The following RBFOX1 variants were observed in gnomAD, a reference collection of about 807,000 sequenced individuals.
RBFOX1 encodes the protein RNA binding fox-1 homolog 1.
RBFOX1 carries 8 observed loss-of-function variants against 57.7 expected under a neutral mutation model. That is an observed-to-expected ratio of 0.14 (90% confidence interval 0.08 to 0.25). RBFOX1 has a LOEUF of 0.25. RBFOX1 is among the 10% of genes least tolerant of loss of function. RBFOX1 has a pLI of 1.00. For missense variants in RBFOX1, 611 were observed against 548.5 expected, an observed-to-expected ratio of 1.11 and a Z score of -1.14; for synonymous variants, 326 against 222.4, an observed-to-expected ratio of 1.47 and a Z score of -4.15.
intron 3 of RBFOX1, among the ~76,000 whole-genome samples, chr16:6,945,333 G>C (rs1011041128): frequency 7.2e-5 from 11 of 152,116 alleles, no homozygotes; most frequent in Non-Finnish European, 1.5e-4. Flanking sequence ...CTTACCTAGG[G>C]CCAGACAGTT....
At chr16:6,761,112 G>A (rs1266682724) in intron 3 of RBFOX1, among the ~76,000 whole-genome samples, 6 of 152,102 alleles carry the variant, frequency 3.9e-5, no homozygotes, top group East Asian at 3.9e-4. Flanking sequence ...GCACAATCAC[G>A]ACTGACAATG....
At chr16:6,948,662 G>A (rs917927543) in intron 3 of RBFOX1, among the ~76,000 whole-genome samples, 15 of 152,090 alleles carry the variant, frequency 9.9e-5, no homozygotes, top group East Asian at 3.9e-4. Context: ...GATTACAAGC[G>A]TGAGCCACCA....
rs565485498 is a variant in RBFOX1, at chr16:6,376,541, C to T, written c.-64+59484C>T. On this transcript the variant is annotated intron_variant, in intron 2 of 15. Coordinates refer to ENST00000550418, the MANE Select transcript of RBFOX1 (RefSeq NM_018723.4). ...CTTGCAGCTGCGTTTTTGAAAGCTG[C>T]CTCACTCCTAACCTCTGTTTACATT... Among the ~76,000 whole-genome samples the T allele has an allele frequency of 2.6e-5, 4 of 152,218 alleles. No individual in the cohort carries two copies. The East Asian group carries it at 7.7e-4, about 29-fold the overall frequency.
intron 2 of RBFOX1, among the ~76,000 whole-genome samples, chr16:6,447,675 A>G (rs1253527890): frequency 6.6e-6 from 1 of 152,224 alleles, no homozygotes; most frequent in Non-Finnish European, 1.5e-5. Context: ...GCTGATAACA[A>G]GCGTTAAAAA....
intron 3 of RBFOX1, among the ~76,000 whole-genome samples, chr16:6,698,384 G>A (rs183981381): frequency 1.3e-5 from 2 of 152,258 alleles, no homozygotes; most frequent in Admixed American, 6.5e-5. Flanking sequence ...CACAATGGAT[G>A]GTTTAGCTAC....
chr16:6,814,941 G>C (rs2089715778), intron 3 of RBFOX1, among the ~76,000 whole-genome samples: 1 of 152,186 alleles, frequency 6.6e-6, no homozygotes, highest in African/African-American at 2.4e-5. Flanking sequence ...AGAAAATACA[G>C]GAATAAAAGA....
intron 4 of RBFOX1, among the ~76,000 whole-genome samples, chr16:5,891,897 G>A (rs2058052612): frequency 1.3e-5 from 2 of 152,210 alleles, no homozygotes; most frequent in South Asian, 4.1e-4. Context: ...AGCACACGTT[G>A]CGCAGGACTA....
At chr16:6,655,592 T>C (rs537833370) in intron 3 of RBFOX1, among the ~76,000 whole-genome samples, 5 of 152,188 alleles carry the variant, frequency 3.3e-5, no homozygotes, top group African/African-American at 1.2e-4. Context: ...AATTGTTTGT[T>C]AATATTTTCA....
chr16:5,716,187 T>A (rs1596925930), intron 3 of RBFOX1, among the ~76,000 whole-genome samples: 1 of 152,362 alleles, frequency 6.6e-6, no homozygotes, highest in Non-Finnish European at 1.5e-5. Context: ...TCTTTTTATT[T>A]TTAAACTTTT....
chr16:5,902,515 G>A (rs533949662), intron 4 of RBFOX1, among the ~76,000 whole-genome samples: 1 of 152,160 alleles, frequency 6.6e-6, no homozygotes, highest in South Asian at 2.1e-4. Context: ...TCCCAGGTTC[G>A]AGTGATTCTC....
intron 4 of RBFOX1, among the ~76,000 whole-genome samples, chr16:7,462,681 G>A (rs1051318419): frequency 6.6e-6 from 1 of 152,178 alleles, no homozygotes; most frequent in African/African-American, 2.4e-5. Context: ...AGCTCACTCA[G>A]CTTTGCCTGG....
intron 4 of RBFOX1, among the ~76,000 whole-genome samples, chr16:7,368,035 G>A (rs544287852): frequency 6.6e-6 from 1 of 152,170 alleles, no homozygotes; most frequent in South Asian, 2.1e-4. Flanking sequence ...GGGAAGCCGA[G>A]GATGGTGAAT....
intron 1 of RBFOX1, among the ~76,000 whole-genome samples, chr16:5,447,151 C>T (rs906273125): frequency 4.6e-5 from 7 of 152,108 alleles, no homozygotes; most frequent in South Asian, 2.1e-4. Flanking sequence ...CTTTTCACTT[C>T]GCAGCCACCC....
intron 3 of RBFOX1, among the ~76,000 whole-genome samples, chr16:6,668,949 G>T (rs997460112): frequency 6.6e-6 from 1 of 152,130 alleles, no homozygotes; most frequent in Admixed American, 6.5e-5. Context: ...GATGGCAGTG[G>T]CTTTTTTGTG....
At chr16:5,677,604 C>G (rs2215244) in intron 3 of RBFOX1, among the ~76,000 whole-genome samples, 5,447 of 152,274 alleles carry the variant, frequency 0.036, 332 homozygotes, top group African/African-American at 0.12. Context: ...AGATTAACTT[C>G]TATGGATACA....
intron 3 of RBFOX1, among the ~76,000 whole-genome samples, chr16:6,965,979 G>C (rs1370087230): frequency 6.6e-6 from 1 of 152,138 alleles, no homozygotes; most frequent in Non-Finnish European, 1.5e-5. Flanking sequence ...TAGGGCTTTG[G>C]AATGGGGAGT....
chr16:5,279,405 T>C (rs570657775), intron 1 of RBFOX1, among the ~76,000 whole-genome samples: 33 of 152,314 alleles, frequency 2.2e-4, no homozygotes, highest in Non-Finnish European at 4.6e-4. Flanking sequence ...TTTTAGCTAG[T>C]TTGTTAGTGG....
rs2075992138 is a variant in RBFOX1, at chr16:7,150,947, G to C, written c.27+98849G>C. Among the ~76,000 whole-genome samples, 4 of 152,176 alleles carry C rather than the reference G, an allele frequency of 2.6e-5. No individual in the cohort carries two copies. In the South Asian group the frequency reaches 8.3e-4, roughly 32 times the overall value. On this transcript the variant is annotated intron_variant, in intron 4 of 15. Transcript: ENST00000550418. ...CATTAGAAACCTTAATTTCTGAGCT[G>C]ATTGTCTTCACCATTTTAAATTACA...
intron 4 of RBFOX1, among the ~76,000 whole-genome samples, chr16:5,879,304 C>G (rs1389538283): frequency 1.3e-5 from 2 of 152,200 alleles, no homozygotes; most frequent in Middle Eastern, 3.2e-3. Context: ...GAGGGAGAAA[C>G]TCCTCAGATC....
Sources: allele counts gnomAD v4.1 joint callset (sites outside exome capture counted in the v4.1 genomes callset), GRCh38; gene constraint gnomAD v4.1.1; transcripts MANE v1.5; gene names NCBI Gene and HGNC (gene_info 2026-07-23, HGNC 2026-07-21).